RPS6KC1: variants seen among roughly 807,000 people sequenced by gnomAD.
RPS6KC1 encodes inactive ribosomal protein S6 kinase delta-1.
In RPS6KC1, 54 loss-of-function variants were observed where a neutral mutation model predicts 103.8. That is an observed-to-expected ratio of 0.52 (90% CI 0.42 to 0.65). The LOEUF (loss-of-function observed/expected upper bound fraction) is 0.65. Among genes scored for constraint, RPS6KC1 ranks in the 30% least tolerant of loss-of-function variants. The probability of loss-of-function intolerance (pLI) is 0.00; values close to 1 mark genes in which losing one functional copy is unlikely to be tolerated. For missense variants in RPS6KC1, 1,151 were observed against 1,253.8 expected (o/e 0.92, Z 1.24); for synonymous variants, 439 against 438.7 (o/e 1.00, Z -0.01).
the RPS6KC1 span, among the ~76,000 whole-genome samples, chr1:213,813,528 C>T: frequency 1.3e-5 from 2 of 152,182 alleles, no homozygotes; most frequent in Non-Finnish European, 2.9e-5. Flanking sequence ...AATTTGCATC[C>T]TAATGCAAGC....
At chr1:213,664,192 C>CGGGGGGG in the RPS6KC1 span, among the ~76,000 whole-genome samples, 192 of 29,654 alleles carry the variant, frequency 6.5e-3, 2 homozygotes, top group East Asian at 0.032. Context: ...AAGAAATGAG[C>CGGGGGGG]GGGGGGGCGG....
chr1:213,423,096 G>T, the RPS6KC1 span, among the ~76,000 whole-genome samples: 1 of 152,200 alleles, frequency 6.6e-6, no homozygotes, highest in East Asian at 1.9e-4. Flanking sequence ...TCTTGGCCTT[G>T]CAGAACCAGC....
chr1:213,083,874 A>G (rs1572415959), intron 3 of RPS6KC1, among the ~76,000 whole-genome samples: 1 of 152,320 alleles, frequency 6.6e-6, no homozygotes, highest in South Asian at 2.1e-4. Context: ...GTTATAAAAA[A>G]GACTGTAGCT....
the RPS6KC1 span, among the ~76,000 whole-genome samples, chr1:213,651,861 G>C: frequency 6.6e-6 from 1 of 152,192 alleles, no homozygotes; most frequent in Non-Finnish European, 1.5e-5. Context: ...TGAGCTCCTT[G>C]TGTGCCGAGC....
At chr1:213,677,703 A>G in the RPS6KC1 span, among the ~76,000 whole-genome samples, 1 of 152,144 alleles carries the variant, frequency 6.6e-6, no homozygotes, top group Non-Finnish European at 1.5e-5. Context: ...AGCAGAAATG[A>G]ACTCTGTAAG....
chr1:213,820,223 C>T, the RPS6KC1 span: 3 of 152,202 alleles, frequency 2.0e-5, no homozygotes, highest in Non-Finnish European at 2.9e-5. Context: ...AAGGGCATCC[C>T]GGGACCCCAG....
At chr1:213,262,071 A>G (rs948545701) in intron 13 of RPS6KC1, among the ~76,000 whole-genome samples, 2 of 152,168 alleles carry the variant, frequency 1.3e-5, no homozygotes, top group African/African-American at 4.8e-5. Context: ...TCTCAGTACC[A>G]TAAATTTTTC....
At chr1:213,680,628 T>C in the RPS6KC1 span, among the ~76,000 whole-genome samples, 9 of 151,872 alleles carry the variant, frequency 5.9e-5, no homozygotes, top group Non-Finnish European at 1.3e-4. Flanking sequence ...AATATTATCC[T>C]AAAGCGCCTT....
At chr1:213,425,145 A>G in the RPS6KC1 span, among the ~76,000 whole-genome samples, 1 of 152,230 alleles carries the variant, frequency 6.6e-6, no homozygotes, top group Non-Finnish European at 1.5e-5. Context: ...TACATTAAAA[A>G]AAAATCTTTC....
At chr1:213,814,958 C>T in the RPS6KC1 span, among the ~76,000 whole-genome samples, 1 of 152,130 alleles carries the variant, frequency 6.6e-6, no homozygotes, top group African/African-American at 2.4e-5. Flanking sequence ...AAGTTATTAA[C>T]ATTGAGCCAT....
chr1:213,813,053 C>G, the RPS6KC1 span, among the ~76,000 whole-genome samples: 3 of 152,062 alleles, frequency 2.0e-5, no homozygotes, highest in Non-Finnish European at 4.4e-5. Flanking sequence ...GAGATCAAGA[C>G]CTTCCTGGCC....
At chr1:213,219,335 C>T (rs1001272886) in intron 8 of RPS6KC1, among the ~76,000 whole-genome samples, 2 of 152,108 alleles carry the variant, frequency 1.3e-5, no homozygotes, top group East Asian at 1.9e-4. Context: ...GTTACAATGG[C>T]GATCATTAAA....
At chr1:213,234,127 A>G (rs926387436) in intron 10 of RPS6KC1, among the ~76,000 whole-genome samples, 2 of 150,568 alleles carry the variant, frequency 1.3e-5, no homozygotes, top group African/African-American at 4.9e-5. Context: ...GGCTCAAGTG[A>G]TCTCCCACCT....
the RPS6KC1 span, among the ~76,000 whole-genome samples, chr1:213,707,627 C>A: frequency 6.6e-6 from 1 of 152,134 alleles, no homozygotes; most frequent in Non-Finnish European, 1.5e-5. Context: ...CATGCTATGT[C>A]CTGAATGGTA....
the RPS6KC1 span, among the ~76,000 whole-genome samples, chr1:213,579,060 G>T: frequency 3.9e-5 from 6 of 152,006 alleles, no homozygotes; most frequent in Non-Finnish European, 2.9e-5. Flanking sequence ...ACTTATGGGG[G>T]TGTTTTTCCT....
chr1:213,613,443 T>C, the RPS6KC1 span, among the ~76,000 whole-genome samples: 1 of 152,194 alleles, frequency 6.6e-6, no homozygotes, highest in Admixed American at 6.5e-5. Flanking sequence ...TAAGACACAT[T>C]GAGGCAAAAT....
At chr1:213,161,214 T>A (rs1004021912) in intron 6 of RPS6KC1, among the ~76,000 whole-genome samples, 1 of 152,164 alleles carries the variant, frequency 6.6e-6, no homozygotes, top group Admixed American at 6.5e-5. Flanking sequence ...TAGAGAACAT[T>A]TTCACTCTGG....
chr1:213,130,193 A>C (rs1408920935), intron 6 of RPS6KC1, among the ~76,000 whole-genome samples: 1 of 152,202 alleles, frequency 6.6e-6, no homozygotes. Context: ...TTGAAAAGGC[A>C]GTGTTTTACC....
the RPS6KC1 span, among the ~76,000 whole-genome samples, chr1:213,527,316 G>C: frequency 6.6e-6 from 1 of 152,144 alleles, no homozygotes; most frequent in Non-Finnish European, 1.5e-5. Context: ...TTCTGGTCTT[G>C]TTTGACCTTT....
Sources: allele counts gnomAD v4.1 joint callset (sites outside exome capture counted in the v4.1 genomes callset), GRCh38; gene constraint gnomAD v4.1.1; transcripts MANE v1.5; gene names NCBI Gene and HGNC (gene_info 2026-07-23, HGNC 2026-07-21).